FUS: variants seen among roughly 807,000 people sequenced by gnomAD.
The protein encoded by FUS is FUS RNA binding protein.
FUS carries 5 observed loss-of-function variants against 82.7 expected under a neutral mutation model. The observed-to-expected ratio is 0.06, with a 90% CI of 0.03 to 0.13. The LOEUF (loss-of-function observed/expected upper bound fraction) is 0.13. FUS is among the 10% of genes least tolerant of loss of function. The probability of loss-of-function intolerance (pLI) is 1.00; values close to 1 mark genes in which losing one functional copy is unlikely to be tolerated. For synonymous variants in FUS, 281 were observed against 247.4 expected (o/e 1.14, Z -1.27); for missense variants, 512 against 707.8 (o/e 0.72, Z 3.14).
At chr16:31,185,333 A>C in intron 6 of FUS, 154 bp downstream of exon 6, 1 of 897,290 alleles carries the variant, frequency 1.1e-6, no homozygotes, top group Non-Finnish European at 1.7e-6. Flanking sequence ...TTCTTTTTAC[A>C]TCCCCATTTT....
chr16:31,192,028 G>T (rs1405215728), downstream of FUS: 2 of 533,004 alleles, frequency 3.8e-6, no homozygotes, highest in South Asian at 3.1e-5. Flanking sequence ...GCCACTCTGG[G>T]TCTTTCACAG....
chr16:31,193,284 G>A (rs1211854639), downstream of FUS: 4 of 514,308 alleles, frequency 7.8e-6, no homozygotes, highest in Non-Finnish European at 1.5e-5. Context: ...AGTAGGCGGA[G>A]AGTGGTCTGG....
intron 12 of FUS, 30 bp downstream of exon 12, chr16:31,190,428 C>A (rs777813607): frequency 3.1e-6 from 5 of 1,613,754 alleles, no homozygotes; most frequent in African/African-American, 2.7e-5. Context: ...TTTCTTAGTT[C>A]TCTTGCATGC....
chr16:31,188,673 T>G lies in FUS; in HGVS notation c.832+316T>G. On this transcript the variant is annotated intron_variant, in intron 8 of 14. Transcript: ENST00000254108. ...TTACAGCAGTGGTTCTTTCAAAATG[T>G]GGATCATGTCCAAGTTGGTGAACAA... The G allele has an allele frequency of 9.8e-6, 5 of 508,204 alleles. No homozygotes were observed. The South Asian group carries it at 1.2e-4, about 12-fold the overall frequency. The allele number at this position is 508,204 out of a possible 1,614,324, so 31.5% of individuals were successfully genotyped here.
downstream of FUS, chr16:31,194,163 G>A (rs767862262): frequency 4.0e-5 from 21 of 531,382 alleles, no homozygotes; most frequent in African/African-American, 3.9e-4. Flanking sequence ...TCAGTACTTG[G>A]ATGTAGGGCT....
chr16:31,192,205 C>T (rs768235972), downstream of FUS: 12 of 527,388 alleles, frequency 2.3e-5, no homozygotes, highest in South Asian at 1.7e-4. Flanking sequence ...ACTCAGAGGG[C>T]TTGAGGTCAT....
intron 10 of FUS, 91 bp downstream of exon 10, chr16:31,189,885 C>T: frequency 1.2e-6 from 2 of 1,602,856 alleles, no homozygotes; most frequent in Non-Finnish European, 1.7e-6. Flanking sequence ...TCTTTTGAGT[C>T]TTCCAACACT....
chr16:31,185,754 A>G, intron 6 of FUS: 1 of 328,688 alleles, frequency 3.0e-6, no homozygotes, highest in Non-Finnish European at 6.2e-6. Context: ...CCTTTTGGGC[A>G]AAAATATGCT....
intron 7 of FUS, 109 bp from the exon 8 acceptor site, chr16:31,188,216 T>C (rs1267727329): frequency 8.7e-7 from 1 of 1,153,898 alleles, no homozygotes; most frequent in East Asian, 2.4e-5. Context: ...TTTTACAAGT[T>C]TGGATTTGGT....
downstream of FUS, chr16:31,193,649 T>G (rs1320098527): frequency 3.8e-6 from 2 of 530,254 alleles, no homozygotes; most frequent in African/African-American, 3.7e-5. Context: ...AGGTGACTGT[T>G]TAGTGGGTAG....
At chr16:31,181,088 G>A (rs2079169809) in intron 1 of FUS, among the ~76,000 whole-genome samples, 1 of 152,088 alleles carries the variant, frequency 6.6e-6, no homozygotes, top group Non-Finnish European at 1.5e-5. Flanking sequence ...TAATTTTTGT[G>A]TTTCTTAGTA....
intron 1 of FUS, 128 bp downstream of exon 1, chr16:31,180,355 C>A: frequency 8.0e-7 from 1 of 1,244,756 alleles, no homozygotes; most frequent in Non-Finnish European, 1.1e-6. Context: ...TGGCGGGAAG[C>A]CGCGGAGAAG....
chr16:31,186,104 G>C (rs1451768990), intron 6 of FUS: 2 of 238,034 alleles, frequency 8.4e-6, no homozygotes, highest in East Asian at 6.0e-5. Flanking sequence ...AAATGTGTGC[G>C]TGTGTTTAAT....
At chr16:31,194,091 A>ATG (rs1389441787), downstream of FUS, 5 of 534,020 alleles carry the variant, frequency 9.4e-6, no homozygotes, top group East Asian at 1.9e-4. Flanking sequence ...CCCTTCCTTG[A>ATG]TGTAGCCTTC....
At chr16:31,188,876 C>A in intron 8 of FUS, 1 of 548,094 alleles carries the variant, frequency 1.8e-6, no homozygotes, top group Non-Finnish European at 3.2e-6. Context: ...GCATTTCACT[C>A]CTGAGCCCTG....
intron 12 of FUS, 36 bp downstream of exon 12, chr16:31,190,434 C>A: frequency 1.2e-6 from 2 of 1,613,802 alleles, no homozygotes; most frequent in Non-Finnish European, 1.7e-6. Flanking sequence ...AGTTCTCTTG[C>A]ATGCGTGCTC....
At chr16:31,188,558 C>G in intron 8 of FUS, 1 of 646,594 alleles carries the variant, frequency 1.5e-6, no homozygotes, top group Non-Finnish European at 2.7e-6. Context: ...GGTTCCACCC[C>G]CAGTGATTTA....
chr16:31,182,757 C>T, intron 3 of FUS, 93 bp downstream of exon 3: 1 of 1,527,490 alleles, frequency 6.5e-7, no homozygotes, highest in South Asian at 1.1e-5. Flanking sequence ...GGTCCTGTTG[C>T]CCAGGCTGGA....
chr16:31,188,484 G>A, intron 8 of FUS, 127 bp downstream of exon 8: 2 of 964,670 alleles, frequency 2.1e-6, no homozygotes, highest in Non-Finnish European at 3.3e-6. Flanking sequence ...GGAGTTAGGT[G>A]TGTCCTTAGT....
Sources: allele counts gnomAD v4.1 joint callset (sites outside exome capture counted in the v4.1 genomes callset), GRCh38; gene constraint gnomAD v4.1.1; transcripts MANE v1.5; gene names NCBI Gene and HGNC (gene_info 2026-07-23, HGNC 2026-07-21).